The following INSR variants were observed in gnomAD, a reference collection of about 807,000 sequenced individuals.
INSR encodes the protein IR.
In INSR, 67 loss-of-function variants were observed where a neutral mutation model predicts 142.6. The ratio of observed to expected loss-of-function variants is 0.47; its 90% CI spans 0.39 to 0.58. The LOEUF (loss-of-function observed/expected upper bound fraction) is 0.58. Among genes scored for constraint, INSR ranks in the 20% least tolerant of loss-of-function variants. INSR has a pLI of 0.00. For missense variants in INSR, 1,248 were observed against 1,833.2 expected, an observed-to-expected ratio of 0.68 and a Z score of 5.83; for synonymous variants, 756 against 743.1, an observed-to-expected ratio of 1.02 and a Z score of -0.28.
Position 7,166,442 on chromosome 19 carries a change from A to G in INSR, c.1611-38T>C. 6.2e-7 allele frequency: 1 copy of G among 1,609,778 alleles called. No homozygotes were observed. Among genetic ancestry groups the G allele is most frequent in the Non-Finnish European group, 8.5e-7 (1 of 1,178,846 alleles). On this transcript the variant is annotated intron_variant, in intron 7 of 21. Transcript: ENST00000302850. The surrounding 1 kb of genome is among the most constrained non-coding windows in gnomAD (Gnocchi z 4.1). ...AACAGCAGAAGGCAGTTACCCTTAC[A>G]AGACCGTCACACTGAGTGCCGTGCA...
At chr19:7,289,112 G>A (rs769606607) in intron 1 of INSR, among the ~76,000 whole-genome samples, 5 of 152,108 alleles carry the variant, frequency 3.3e-5, no homozygotes, top group Non-Finnish European at 7.3e-5. Flanking sequence ...TTCCAGGAGG[G>A]GGGACTGGCA....
At chr19:7,138,186 G>A (rs994988382) in intron 13 of INSR, among the ~76,000 whole-genome samples, 4 of 151,428 alleles carry the variant, frequency 2.6e-5, no homozygotes, top group East Asian at 3.9e-4. Context: ...GGATGGTCTC[G>A]ATCTCCTGAC....
chr19:7,232,396 G>A (rs1298092386), intron 2 of INSR, among the ~76,000 whole-genome samples: 2 of 152,108 alleles, frequency 1.3e-5, no homozygotes, highest in Non-Finnish European at 2.9e-5. Context: ...ATTTTTAGTA[G>A]TTGGCCAGGC....
chr19:7,153,035 CACACACCACACACCCCCCCACA>C, intron 9 of INSR, 108 bp from the exon 10 acceptor site: 1 of 379,936 alleles, frequency 2.6e-6, no homozygotes, highest in African/African-American at 7.8e-5. Flanking sequence ...ACCACACACA[CACACACCACACACCCCCCCACA>C]CACACACACC....
chr19:7,139,567 A>G (rs1973017950), intron 13 of INSR, among the ~76,000 whole-genome samples: 1 of 152,182 alleles, frequency 6.6e-6, no homozygotes, highest in Admixed American at 6.6e-5. Context: ...TCTGCCAATT[A>G]AAAACTAGCT....
chr19:7,241,301 C>T (rs940866086), intron 2 of INSR, among the ~76,000 whole-genome samples: 1 of 151,556 alleles, frequency 6.6e-6, no homozygotes, highest in African/African-American at 2.4e-5. Flanking sequence ...ACTTTAGCCT[C>T]GTGAGTAGCC....
intron 17 of INSR, among the ~76,000 whole-genome samples, chr19:7,123,674 G>A (rs993386709): frequency 2.6e-5 from 4 of 152,136 alleles, no homozygotes; most frequent in African/African-American, 9.7e-5. Context: ...TGTAATCCCA[G>A]CACTTTGGGA....
At chr19:7,282,326 C>G (rs954754495) in intron 1 of INSR, among the ~76,000 whole-genome samples, 1 of 150,988 alleles carries the variant, frequency 6.6e-6, no homozygotes, top group African/African-American at 2.4e-5. Flanking sequence ...GATCGTGCCA[C>G]TACACTCCAG....
At position 7,135,797 on chromosome 19, in the gene INSR, C is replaced by T. The variant is rs1033727914; in HGVS notation, c.2683-3480G>A. On this transcript the variant is annotated intron_variant, in intron 13 of 21. Transcript: ENST00000302850. ...CAGCCTGACCAACATGGTGAAACCT[C>T]GTCTCTACTAAAAGACAAAAATTAG... Among the ~76,000 whole-genome samples, 8 of 151,828 alleles carry T rather than the reference C, an allele frequency of 5.3e-5. 1 individual carries two copies. Among genetic ancestry groups the T allele is most frequent in the South Asian group, 4.2e-4 (2 of 4,802 alleles).
chr19:7,158,303 A>C (rs62124504), intron 9 of INSR, among the ~76,000 whole-genome samples: 3,145 of 152,042 alleles, frequency 0.021, 38 homozygotes, highest in Non-Finnish European at 0.033. Context: ...GATCGAGACC[A>C]TCCTGGCTAA....
rs1416305562 is a variant in INSR, at chr19:7,248,505, A to AG, written c.652+18839_652+18840insC. Among the ~76,000 whole-genome samples the AG allele has an allele frequency of 1.4e-3, 181 of 130,442 alleles. 1 individual carries two copies. The highest frequency in any genetic ancestry group is 5.5e-3 in the East Asian group (22 of 4,032). 85.6% of individuals were successfully genotyped at this position (130,442 alleles called of 152,430 possible). On this transcript the variant is annotated intron_variant, in intron 2 of 21. Coordinates refer to ENST00000302850, the MANE Select transcript of INSR (RefSeq NM_000208.4). ...CATCTCAAAAAAAAAAAAAAAAAAA[A>AG]AAAGCATGACCCTCAACATACATAC...
chr19:7,172,367 G>C lies in INSR; in HGVS notation c.1191C>G (p.Ile397Met). 1.9e-6 allele frequency: 3 copies of C among 1,614,094 alleles called. No homozygotes were observed. Among genetic ancestry groups the C allele is most frequent in the Non-Finnish European group, 2.5e-6 (3 of 1,179,994 alleles). ...LIEEISGYLK[I>M]RRSYALVSLS... Reference sequence around the variant, plus strand: ...GTGACACCAGAGCGTAGGATCGGCGGATTTTTAGATACCCTGAAATTTCTT... The same window carrying C: ...GTGACACCAGAGCGTAGGATCGGCGCATTTTTAGATACCCTGAAATTTCTT... The change falls in exon 5 of 22, where the codon ATC (isoleucine) becomes ATG (methionine). Residue 397 changes from isoleucine to methionine, a missense_variant. Ile to Met is a conservative substitution (Grantham distance 10, BLOSUM62 1). This residue lies in a region of INSR where 1,069 missense variants were observed against 1,654.0 expected (regional missense o/e 0.65). Transcript: ENST00000302850.
chr19:7,288,194 CAA>C (rs904519512), intron 1 of INSR, among the ~76,000 whole-genome samples: 10 of 113,436 alleles, frequency 8.8e-5, no homozygotes, highest in Non-Finnish European at 1.3e-4. Flanking sequence ...CCTGTTTCTA[CAA>C]AAAAAAAAAA....
rs770711598 is a variant in INSR, at chr19:7,119,588, C to G, written c.3660-5G>C. The G allele has an allele frequency of 1.2e-6, 2 of 1,613,818 alleles. No homozygotes were observed. Among genetic ancestry groups the G allele is most frequent in the East Asian group, 2.2e-5 (1 of 44,874 alleles). ...CAAAGGACCACGCCAAAGGACCTGC[C>G]GATGACAGTTGATAGTAGTAACAAA... On this transcript the variant is annotated splice_region_variant and splice_polypyrimidine_tract_variant and intron_variant, in intron 20 of 21. Transcript: ENST00000302850. The surrounding 1 kb of genome is among the most constrained non-coding windows in gnomAD (Gnocchi z 5.2).
intron 2 of INSR, among the ~76,000 whole-genome samples, chr19:7,223,289 C>T (rs774876133): frequency 2.8e-4 from 42 of 152,226 alleles, no homozygotes; most frequent in Non-Finnish European, 4.4e-4. Flanking sequence ...ATTTGATTTT[C>T]ACCCAAACCA....
intron 2 of INSR, among the ~76,000 whole-genome samples, chr19:7,237,354 T>TAAA (rs891423130): frequency 6.0e-5 from 9 of 150,330 alleles, no homozygotes; most frequent in African/African-American, 2.2e-4. Context: ...CCGTCTCTAC[T>TAAA]AAAACTATAA....
intron 2 of INSR, among the ~76,000 whole-genome samples, chr19:7,253,401 C>T (rs966953728): frequency 1.3e-5 from 2 of 151,712 alleles, no homozygotes; most frequent in African/African-American, 2.4e-5. Flanking sequence ...ACCAGCCCGG[C>T]TTATTTTTGT....
intron 2 of INSR, among the ~76,000 whole-genome samples, chr19:7,226,714 C>T (rs1282356622): frequency 7.3e-6 from 1 of 137,640 alleles, no homozygotes; most frequent in East Asian, 2.1e-4. Flanking sequence ...GGCAACAGAG[C>T]CAGACCCTGT....
At chr19:7,224,159 G>T (rs572049121) in intron 2 of INSR, among the ~76,000 whole-genome samples, 1 of 151,456 alleles carries the variant, frequency 6.6e-6, no homozygotes, top group Admixed American at 6.6e-5. Context: ...GGCCAGGATG[G>T]TCTCGATCTC....
Sources: gnomAD v4.1 joint callset for allele counts (sites outside exome capture counted in the v4.1 genomes callset) on GRCh38, gnomAD v4.1.1 for gene constraint, gnomAD v4.1.1 regional missense constraint, Gnocchi (gnomAD v3.1) non-coding constraint, MANE v1.5 for transcripts, NCBI Gene and HGNC (gene_info 2026-07-23, HGNC 2026-07-21) for gene names.